The following SNX29 variants were observed in gnomAD, a reference collection of about 807,000 sequenced individuals.
SNX29 encodes sorting nexin 29, also known as sorting nexin-29.
SNX29 carries 78 observed loss-of-function variants against 102.1 expected under a neutral mutation model. The ratio of observed to expected loss-of-function variants is 0.76; its 90% confidence interval spans 0.64 to 0.92. The LOEUF (loss-of-function observed/expected upper bound fraction) is 0.92, where lower values mean the gene tolerates loss of function less well. Ranked by LOEUF, SNX29 falls within the 40% of genes least tolerant of loss-of-function variation. The pLI is 0.00. For synonymous variants in SNX29, 580 were observed against 414.5 expected (o/e 1.40, Z -4.85); for missense variants, 1,280 against 1,061.7 (o/e 1.21, Z -2.86).
chr16:12,413,600 C>T (rs375649286), intron 18 of SNX29, among the ~76,000 whole-genome samples: 22 of 151,810 alleles, frequency 1.4e-4, no homozygotes, highest in African/African-American at 4.8e-4. Flanking sequence ...AATGGCACCT[C>T]GGAAGCAACG....
intron 11 of SNX29, among the ~76,000 whole-genome samples, chr16:12,126,237 T>G (rs1011285006): frequency 7.2e-5 from 11 of 152,198 alleles, no homozygotes; most frequent in Non-Finnish European, 1.0e-4. Context: ...GTGATACTGA[T>G]CAGTAGTACT....
intron 11 of SNX29, among the ~76,000 whole-genome samples, chr16:12,085,606 C>T (rs377470643): frequency 1.1e-4 from 17 of 152,244 alleles, no homozygotes; most frequent in Admixed American, 9.2e-4. Flanking sequence ...GGATTATAGG[C>T]GTGAGCCACC....
chr16:12,024,654 C>T (rs983105578), intron 3 of SNX29, among the ~76,000 whole-genome samples: 1 of 152,200 alleles, frequency 6.6e-6, no homozygotes, highest in Non-Finnish European at 1.5e-5. Context: ...GATGATGTAA[C>T]CCAAACCTTG....
At chr16:12,532,777 T>A (rs774928146) in intron 20 of SNX29, among the ~76,000 whole-genome samples, 1 of 152,070 alleles carries the variant, frequency 6.6e-6, no homozygotes, top group Non-Finnish European at 1.5e-5. Context: ...CTGGAGTCCA[T>A]GGGGCAGAGG....
intron 20 of SNX29, among the ~76,000 whole-genome samples, chr16:12,549,665 G>C (rs2077841502): frequency 6.6e-6 from 1 of 152,214 alleles, no homozygotes; most frequent in Admixed American, 6.5e-5. Flanking sequence ...GCTTGAGGCA[G>C]TCCCAAGGCC....
chr16:12,251,462 G>C (rs374807311), intron 14 of SNX29, among the ~76,000 whole-genome samples: 4 of 152,148 alleles, frequency 2.6e-5, no homozygotes, highest in Admixed American at 6.5e-5. Context: ...CAACACTTTG[G>C]GGGGCCAAGG....
rs188289992 is a variant in SNX29, at chr16:11,985,638, A to G, written c.7+8825A>G. Among the ~76,000 whole-genome samples, 101 of 152,262 alleles carry G rather than the reference A, an allele frequency of 6.6e-4. 1 individual carries two copies. Among genetic ancestry groups the G allele is most frequent in the Admixed American group, 3.1e-3 (47 of 15,286 alleles). On this transcript the variant is annotated intron_variant, in intron 1 of 20. Transcript: ENST00000566228. ...GATTTTGGTTGGCCAGGTCTGGACC[A>G]TAAGTCTAGTCTGGAGCCTGTGGCT...
At chr16:12,105,323 C>T (rs1299764663) in intron 11 of SNX29, among the ~76,000 whole-genome samples, 4 of 150,262 alleles carry the variant, frequency 2.7e-5, no homozygotes, top group African/African-American at 9.8e-5. Flanking sequence ...CTCCTGGGTT[C>T]AAGCGATTCT....
intron 14 of SNX29, among the ~76,000 whole-genome samples, chr16:12,252,361 T>G (rs559247691): frequency 2.0e-5 from 3 of 152,336 alleles, no homozygotes; most frequent in Admixed American, 2.0e-4. Context: ...GGCGGCTACC[T>G]CTCATCTCCT....
chr16:12,480,711 C>A (rs1340534874), intron 19 of SNX29, among the ~76,000 whole-genome samples: 2 of 152,134 alleles, frequency 1.3e-5, no homozygotes, highest in Admixed American at 1.3e-4. Context: ...AAACTTAAGA[C>A]AAAATAAATC....
In SNX29 at chr16:12,568,726, TC is replaced by T; in HGVS notation, c.*99del. ...CCCTCACCTCAGCGTGACAACCACG[TC>T]CACCTGGTGATCCTGAGAGCACACG... On this transcript the variant is annotated 3_prime_UTR_variant, in exon 21 of 21. Coordinates refer to ENST00000566228, the MANE Select transcript of SNX29 (RefSeq NM_032167.5). The T allele has an allele frequency of 1.3e-6, 2 of 1,508,924 alleles. No homozygotes were observed. Among genetic ancestry groups the T allele is most frequent in the Non-Finnish European group, 1.8e-6 (2 of 1,128,144 alleles). 93.5% of individuals were successfully genotyped at this position (1,508,924 alleles called of 1,614,324 possible). A position where few individuals can be genotyped will look rare whatever the true frequency, so the allele number is the denominator to read the frequency against.
chr16:12,203,359 G>A (rs2076963736), intron 14 of SNX29, among the ~76,000 whole-genome samples: 1 of 151,856 alleles, frequency 6.6e-6, no homozygotes, highest in South Asian at 2.1e-4. Flanking sequence ...AGGTGGACTG[G>A]TGGCATTGGA....
chr16:12,514,906 GAGAAAGAAAGAGAGAAAGAAAGAA>G (rs1458836388), intron 19 of SNX29, among the ~76,000 whole-genome samples: 55 of 146,520 alleles, frequency 3.8e-4, no homozygotes, highest in African/African-American at 1.2e-3. Context: ...GAGAGGGAGA[GAGAAAGAAAGAGAGAAAGAAAGAA>G]AGAAAGAAAG....
chr16:12,506,204 G>A (rs1002780350), intron 19 of SNX29, among the ~76,000 whole-genome samples: 3 of 152,038 alleles, frequency 2.0e-5, no homozygotes, highest in Non-Finnish European at 2.9e-5. Flanking sequence ...CAGGTGATGC[G>A]CCTGCCTCGG....
chr16:12,326,221 A>G (rs867233474), intron 15 of SNX29, among the ~76,000 whole-genome samples: 1 of 151,996 alleles, frequency 6.6e-6, no homozygotes, highest in African/African-American at 2.4e-5. Flanking sequence ...CATGTTGGCC[A>G]GGCTGGTCTT....
intron 14 of SNX29, among the ~76,000 whole-genome samples, chr16:12,274,599 C>G (rs1332419379): frequency 6.6e-6 from 1 of 151,054 alleles, no homozygotes; most frequent in African/African-American, 2.4e-5. Flanking sequence ...TGCAGCTATG[C>G]CATCTCAGTT....
intron 16 of SNX29, among the ~76,000 whole-genome samples, chr16:12,380,364 C>T (rs1208773450): frequency 1.8e-4 from 21 of 115,094 alleles, no homozygotes; most frequent in Admixed American, 1.4e-3. Context: ...CACCTGTCAT[C>T]CCTCCACTTA....
chr16:12,533,564 C>T (rs1014511725), intron 20 of SNX29, among the ~76,000 whole-genome samples: 12 of 152,178 alleles, frequency 7.9e-5, no homozygotes, highest in African/African-American at 1.4e-4. Context: ...TTCTTAGCCT[C>T]GTCATTATCA....
intron 4 of SNX29, 82 bp downstream of exon 4, chr16:12,027,526 C>A: frequency 6.5e-7 from 1 of 1,547,822 alleles, no homozygotes; most frequent in Non-Finnish European, 8.7e-7. Context: ...TAATAGTGGG[C>A]AGGGCAGTGA....
Sources: gnomAD v4.1 joint callset for allele counts (sites outside exome capture counted in the v4.1 genomes callset) on GRCh38, gnomAD v4.1.1 for gene constraint, MANE v1.5 for transcripts, NCBI Gene and HGNC (gene_info 2026-07-23, HGNC 2026-07-21) for gene names.